The following BMPR1B variants were observed in gnomAD, a reference collection of about 807,000 sequenced individuals.
The protein encoded by BMPR1B is bone morphogenetic protein receptor type 1B.
Under a neutral mutation model 59.1 loss-of-function variants are expected in BMPR1B, and 12 were observed. The ratio of observed to expected loss-of-function variants is 0.20; its 90% confidence interval spans 0.13 to 0.33. The LOEUF is 0.33. Among genes scored for constraint, BMPR1B ranks in the 10% least tolerant of loss-of-function variants. BMPR1B has a pLI of 1.00. For synonymous variants in BMPR1B, 237 were observed against 207.3 expected, an observed-to-expected ratio of 1.14 and a Z score of -1.23; for missense variants, 550 against 610.9, an observed-to-expected ratio of 0.90 and a Z score of 1.05.
chr4:95,143,977 T>G (rs1410829467), intron 10 of BMPR1B, among the ~76,000 whole-genome samples: 2 of 152,120 alleles, frequency 1.3e-5, no homozygotes, highest in African/African-American at 4.8e-5. Context: ...ACATAAAATT[T>G]AGTCCACCTG....
intron 2 of BMPR1B, among the ~76,000 whole-genome samples, chr4:94,972,990 CA>C (rs2149078787): frequency 6.6e-6 from 1 of 152,206 alleles, no homozygotes; most frequent in Admixed American, 6.5e-5. Flanking sequence ...GAACAAACTC[CA>C]TTTACTTGGC....
At chr4:94,823,487 A>G (rs574992468) in intron 1 of BMPR1B, among the ~76,000 whole-genome samples, 64 of 152,224 alleles carry the variant, frequency 4.2e-4, no homozygotes, top group Middle Eastern at 6.8e-3. Flanking sequence ...ATTTTGGAGG[A>G]GCCAGTGTCT....
intron 3 of BMPR1B, among the ~76,000 whole-genome samples, chr4:95,004,458 G>T (rs1205103422): frequency 6.6e-6 from 1 of 152,036 alleles, no homozygotes; most frequent in Non-Finnish European, 1.5e-5. Context: ...ATCAGTATTT[G>T]TATTGTCTTA....
intron 1 of BMPR1B, among the ~76,000 whole-genome samples, chr4:94,768,666 AAGTT>A (rs1225805646): frequency 4.6e-5 from 7 of 152,138 alleles, no homozygotes; most frequent in Non-Finnish European, 7.4e-5. Flanking sequence ...GGAAGTTACT[AAGTT>A]AGAGTAAGTG....
chr4:94,873,641 C>G (rs1043496721), intron 1 of BMPR1B, among the ~76,000 whole-genome samples: 1 of 152,148 alleles, frequency 6.6e-6, no homozygotes, highest in Non-Finnish European at 1.5e-5. Context: ...ATCTCCTGAC[C>G]TTGTGATCTG....
chr4:94,789,489 C>T (rs1239598907), intron 1 of BMPR1B, among the ~76,000 whole-genome samples: 2 of 152,074 alleles, frequency 1.3e-5, no homozygotes, highest in Non-Finnish European at 2.9e-5. Flanking sequence ...GGGCTAAAGG[C>T]GTTGTTGATG....
intron 3 of BMPR1B, among the ~76,000 whole-genome samples, chr4:95,063,279 T>G (rs1057190341): frequency 3.3e-5 from 5 of 152,314 alleles, no homozygotes; most frequent in Middle Eastern, 3.4e-3. Flanking sequence ...GCATTCATTT[T>G]AGGTTTTAAT....
intron 1 of BMPR1B, among the ~76,000 whole-genome samples, chr4:94,807,057 TA>T (rs1323442739): frequency 6.6e-6 from 1 of 152,164 alleles, no homozygotes; most frequent in Non-Finnish European, 1.5e-5. Flanking sequence ...AGATTTGATA[TA>T]AAAAATTGGT....
At chr4:94,782,151 A>G (rs1373843961) in intron 1 of BMPR1B, among the ~76,000 whole-genome samples, 2 of 149,182 alleles carry the variant, frequency 1.3e-5, no homozygotes, top group Non-Finnish European at 3.0e-5. Flanking sequence ...GGTGTCCTAC[A>G]TTTCTCTGAG....
At chr4:94,903,267 C>T (rs1727899858) in intron 2 of BMPR1B, among the ~76,000 whole-genome samples, 1 of 151,814 alleles carries the variant, frequency 6.6e-6, no homozygotes, top group African/African-American at 2.4e-5. Flanking sequence ...ACCCCTTACC[C>T]CCTTTTTTAT....
In BMPR1B at chr4:95,115,583, T is replaced by G. The variant is rs1731963712; in HGVS notation, c.247-102T>G. 1.6e-5 allele frequency: 16 copies of G among 992,948 alleles called. No homozygotes were observed. In the South Asian group the frequency reaches 2.1e-4, roughly 13 times the overall value. 61.5% of individuals were successfully genotyped at this position (992,948 alleles called of 1,614,324 possible). A position where few individuals can be genotyped will look rare whatever the true frequency, so the allele number is the denominator to read the frequency against. ...GGTGTTTGAGTGAAATTGTTAGAAT[T>G]TTAAATTAGTTCTCTAAATAGTGAC... On this transcript the variant is annotated intron_variant, in intron 5 of 12. Transcript: ENST00000515059.
chr4:95,041,765 A>C (rs149507237), intron 3 of BMPR1B, among the ~76,000 whole-genome samples: 37 of 152,266 alleles, frequency 2.4e-4, no homozygotes, highest in African/African-American at 8.9e-4. Flanking sequence ...ATTGGGAATG[A>C]TATTTCCTCC....
intron 3 of BMPR1B, among the ~76,000 whole-genome samples, chr4:95,020,571 C>A (rs1355625801): frequency 2.6e-5 from 2 of 78,184 alleles, no homozygotes. Flanking sequence ...GAACAAGACT[C>A]CATCTCAAAA....
chr4:94,759,029 C>G (rs1211525253), intron 1 of BMPR1B, among the ~76,000 whole-genome samples: 5 of 152,172 alleles, frequency 3.3e-5, no homozygotes. Context: ...TGTCCAGGCT[C>G]CGTGTTTCCG....
intron 10 of BMPR1B, among the ~76,000 whole-genome samples, chr4:95,137,884 T>C (rs867650793): frequency 6.6e-6 from 1 of 152,210 alleles, no homozygotes. Context: ...TATCTTTTAA[T>C]TGGAGCATTC....
At chr4:94,858,816 C>T (rs1725868951) in intron 1 of BMPR1B, among the ~76,000 whole-genome samples, 1 of 152,136 alleles carries the variant, frequency 6.6e-6, no homozygotes, top group Non-Finnish European at 1.5e-5. Flanking sequence ...ATTTTTAATA[C>T]ATCAAAGTGA....
At chr4:94,922,185 A>C (rs997027513) in intron 2 of BMPR1B, among the ~76,000 whole-genome samples, 2 of 151,890 alleles carry the variant, frequency 1.3e-5, no homozygotes, top group African/African-American at 2.4e-5. Context: ...GTGTTGCCCC[A>C]TCTGGTATTG....
chr4:95,154,491 T>C (rs1242244204), intron 12 of BMPR1B, 57 bp from the exon 13 acceptor site: 1 of 1,611,372 alleles, frequency 6.2e-7, no homozygotes, highest in African/African-American at 1.3e-5. Context: ...AAAAGCTACA[T>C]TGTAACAGGT....
At chr4:94,994,859 A>C (rs1578896495) in intron 2 of BMPR1B, among the ~76,000 whole-genome samples, 1 of 152,208 alleles carries the variant, frequency 6.6e-6, no homozygotes, top group Non-Finnish European at 1.5e-5. Context: ...CAGAAGGAAC[A>C]CATTACTGTA....
Sources: allele counts gnomAD v4.1 joint callset (sites outside exome capture counted in the v4.1 genomes callset), GRCh38; gene constraint gnomAD v4.1.1; transcripts MANE v1.5; gene names NCBI Gene and HGNC (gene_info 2026-07-23, HGNC 2026-07-21).